Variants in ANKS1B observed in about 807,000 individuals in gnomAD.
ANKS1B encodes the protein ankyrin repeat and sterile alpha motif domain-containing protein 1B.
Under a neutral mutation model 148.3 loss-of-function variants are expected in ANKS1B, and 36 were observed. The ratio of observed to expected loss-of-function variants is 0.24; its 90% CI spans 0.19 to 0.32. The LOEUF (loss-of-function observed/expected upper bound fraction) is 0.32. Among genes scored for constraint, ANKS1B ranks in the 10% least tolerant of loss-of-function variants. ANKS1B has a pLI of 1.00. For synonymous variants in ANKS1B, 542 were observed against 560.8 expected, an observed-to-expected ratio of 0.97 and a Z score of 0.47; for missense variants, 1,157 against 1,542.6, an observed-to-expected ratio of 0.75 and a Z score of 4.19.
chr12:99,720,868 G>A (rs2058011630), intron 8 of ANKS1B, among the ~76,000 whole-genome samples: 1 of 152,066 alleles, frequency 6.6e-6, no homozygotes, highest in South Asian at 2.1e-4. Context: ...GTTTCTCCAA[G>A]TCATCACAGC....
chr12:99,732,451 C>G (rs1170288506), intron 8 of ANKS1B, among the ~76,000 whole-genome samples: 1 of 152,000 alleles, frequency 6.6e-6, no homozygotes, highest in South Asian at 2.1e-4. Flanking sequence ...TAAAATACTA[C>G]TCAGCAACAA....
Position 99,246,650 on chromosome 12 carries a change from T to C in ANKS1B, c.1971A>G (p.Ser657=), listed in dbSNP as rs3751323. ...GTTTAATTTTCTTTACCAAAGGTTC[T>C]GAGTTATTTTCTATTGGAGACTGCT... is the stretch of plus-strand genomic sequence containing the variant. ...PFKQSPIENN[S]EPLVKKIKPK... is the part of the protein sequence containing the mutation. The change falls in exon 13 of 27, where the codon TCA becomes TCG. Residue 657 remains serine (S), a synonymous_variant. Transcript: ENST00000683438. The C allele has an allele frequency of 0.44, 702,295 of 1,613,248 alleles. 159,316 individuals are homozygous for C. Among genetic ancestry groups the C allele is most frequent in the East Asian group, 0.78 (34,777 of 44,834 alleles).
chr12:99,955,644 T>G (rs75132655), intron 1 of ANKS1B, among the ~76,000 whole-genome samples: 11,355 of 151,642 alleles, frequency 0.075, 477 homozygotes, highest in South Asian at 0.11. Flanking sequence ...GACCTCATTA[T>G]ATGGTTGCTG....
intron 8 of ANKS1B, among the ~76,000 whole-genome samples, chr12:99,674,773 CTTCAT>C (rs1488915593): frequency 6.6e-6 from 1 of 151,670 alleles, no homozygotes; most frequent in Non-Finnish European, 1.5e-5. Flanking sequence ...GATTTATAGA[CTTCAT>C]TTCATTAAAA....
intron 22 of ANKS1B, among the ~76,000 whole-genome samples, chr12:98,793,353 G>C (rs150200819): frequency 0.013 from 1,926 of 152,236 alleles, 34 homozygotes; most frequent in African/African-American, 0.043. Context: ...ACTCAAAATG[G>C]ATTAAAGACT....
chr12:99,811,573 T>TA (rs1289759724), intron 3 of ANKS1B, among the ~76,000 whole-genome samples: 2 of 151,940 alleles, frequency 1.3e-5, no homozygotes, highest in Non-Finnish European at 2.9e-5. Context: ...ATTGTGTACT[T>TA]ACAAATACAT....
rs2099322318 is a variant in ANKS1B at position 98,832,103 on chromosome 12, G to A, written c.2812C>T (p.Arg938Cys). The change falls in exon 18 of 27, where the codon CGT becomes TGT. Residue 938 changes from arginine to cysteine, a missense_variant. Coordinates refer to ENST00000683438, the MANE Select transcript of ANKS1B (RefSeq NM_001352186.2). The part of the protein sequence containing the change: ...LKINLIGHRK[R>C]ILASLGDRLH... ...CTGTCTCCCAGAGATGCCAAAATAC[G>A]TTTCCTGTGGCCAATCAAATTGATT... 1.9e-6 allele frequency: 3 copies of A among 1,592,254 alleles called. No homozygotes were observed. Among genetic ancestry groups the A allele is most frequent in the Non-Finnish European group, 1.7e-6 (2 of 1,168,600 alleles).
intron 15 of ANKS1B, among the ~76,000 whole-genome samples, chr12:99,124,034 G>A (rs1356190562): frequency 6.6e-6 from 1 of 152,172 alleles, no homozygotes; most frequent in Admixed American, 6.5e-5. Flanking sequence ...CAGGGTCTTG[G>A]AAACCACTGT....
intron 1 of ANKS1B, among the ~76,000 whole-genome samples, chr12:99,827,679 A>T (rs550810956): frequency 7.6e-4 from 116 of 152,244 alleles, no homozygotes; most frequent in Non-Finnish European, 1.5e-3. Flanking sequence ...ATTTTTTTAA[A>T]TACCACAATG....
intron 15 of ANKS1B, among the ~76,000 whole-genome samples, chr12:99,088,948 T>C (rs1227077293): frequency 7.0e-6 from 1 of 142,660 alleles, no homozygotes; most frequent in Admixed American, 7.8e-5. Context: ...TGTGTTCCAG[T>C]GATTCTCATG....
intron 8 of ANKS1B, among the ~76,000 whole-genome samples, chr12:99,751,112 A>AT (rs1191414358): frequency 6.8e-6 from 1 of 147,002 alleles, no homozygotes; most frequent in African/African-American, 2.5e-5. Context: ...CAGTAAAACT[A>AT]TTTTTTGAAA....
intron 11 of ANKS1B, among the ~76,000 whole-genome samples, chr12:99,437,871 G>A (rs1161599714): frequency 1.3e-5 from 2 of 151,834 alleles, no homozygotes; most frequent in African/African-American, 4.8e-5. Context: ...CTACTAAAAA[G>A]ATTAGTCTAC....
intron 15 of ANKS1B, among the ~76,000 whole-genome samples, chr12:99,145,099 T>C (rs2072552630): frequency 6.6e-6 from 1 of 152,050 alleles, no homozygotes; most frequent in Admixed American, 6.6e-5. Flanking sequence ...GATACTTCAG[T>C]CCCATGTAAT....
intron 9 of ANKS1B, chr12:99,649,603 T>C (rs2098404893): frequency 1.9e-6 from 1 of 531,442 alleles, no homozygotes; most frequent in Non-Finnish European, 3.4e-6. Context: ...CCTTCAGAGG[T>C]CCAGGAGGAA....
intron 9 of ANKS1B, among the ~76,000 whole-genome samples, chr12:99,581,897 C>CAAAAAAAA (rs369048602): frequency 1.7e-5 from 1 of 60,604 alleles, no homozygotes; most frequent in Non-Finnish European, 3.6e-5. Flanking sequence ...GACTCCGTCT[C>CAAAAAAAA]AAAAAAAAAA....
At chr12:99,902,101 T>C (rs754163904) in intron 1 of ANKS1B, among the ~76,000 whole-genome samples, 1 of 151,704 alleles carries the variant, frequency 6.6e-6, no homozygotes, top group Non-Finnish European at 1.5e-5. Flanking sequence ...ATAAAAGAAA[T>C]AAATAATGGG....
intron 12 of ANKS1B, among the ~76,000 whole-genome samples, chr12:99,263,234 G>A (rs1326953508): frequency 6.6e-6 from 1 of 151,996 alleles, no homozygotes; most frequent in East Asian, 1.9e-4. Context: ...GTTCTAAAAT[G>A]AGGGAATTAG....
At chr12:98,995,995 G>C (rs1398190997) in intron 17 of ANKS1B, among the ~76,000 whole-genome samples, 3 of 152,298 alleles carry the variant, frequency 2.0e-5, no homozygotes, top group East Asian at 1.9e-4. Flanking sequence ...ACTAGCCATG[G>C]CTGGGGAAAG....
intron 12 of ANKS1B, among the ~76,000 whole-genome samples, chr12:99,270,403 A>G (rs1263957942): frequency 6.6e-6 from 1 of 152,116 alleles, no homozygotes. Flanking sequence ...TACCTCCTCC[A>G]GTCATTCCTA....
Sources: allele counts gnomAD v4.1 joint callset (sites outside exome capture counted in the v4.1 genomes callset), GRCh38; gene constraint gnomAD v4.1.1; transcripts MANE v1.5; gene names NCBI Gene and HGNC (gene_info 2026-07-23, HGNC 2026-07-21).